Variants in MTHFD1L observed in about 807,000 individuals in gnomAD.
MTHFD1L encodes the protein methylenetetrahydrofolate dehydrogenase (NADP+ dependent) 1 like.
In MTHFD1L, 81 loss-of-function variants were observed where a neutral mutation model predicts 119.5. The observed-to-expected ratio is 0.68, with a 90% CI of 0.57 to 0.82. The LOEUF (loss-of-function observed/expected upper bound fraction) is 0.82. Ranked by LOEUF, MTHFD1L falls within the 40% of genes least tolerant of loss-of-function variation. The probability of loss-of-function intolerance (pLI) is 0.00; values close to 1 mark genes in which losing one functional copy is unlikely to be tolerated. For missense variants in MTHFD1L, 1,125 were observed against 1,253.4 expected (o/e 0.90, Z 1.55); for synonymous variants, 430 against 475.2 (o/e 0.90, Z 1.24).
chr6:150,915,255 A>T (rs1787652179), intron 8 of MTHFD1L, among the ~76,000 whole-genome samples: 2 of 151,964 alleles, frequency 1.3e-5, no homozygotes, highest in South Asian at 4.1e-4. Context: ...TTTTTTTTGC[A>T]ATTTTTTTTT....
chr6:150,881,945 A>G (rs1343744031), intron 4 of MTHFD1L, among the ~76,000 whole-genome samples: 1 of 152,162 alleles, frequency 6.6e-6, no homozygotes, highest in Non-Finnish European at 1.5e-5. Flanking sequence ...TGGTAAACCA[A>G]CCCTTCCCCA....
At chr6:151,011,725 A>G (rs1399532820) in intron 21 of MTHFD1L, among the ~76,000 whole-genome samples, 3 of 152,158 alleles carry the variant, frequency 2.0e-5, no homozygotes, top group Non-Finnish European at 4.4e-5. Context: ...TCATGGTAAC[A>G]TGGAACAGGG....
At chr6:151,001,407 A>AT (rs1176615071) in intron 20 of MTHFD1L, among the ~76,000 whole-genome samples, 5 of 152,222 alleles carry the variant, frequency 3.3e-5, no homozygotes, top group African/African-American at 1.2e-4. Flanking sequence ...CAGTTTAACT[A>AT]TTTTTCAAAG....
chr6:150,921,687 A>G (rs1199784330), intron 9 of MTHFD1L, among the ~76,000 whole-genome samples: 1 of 152,224 alleles, frequency 6.6e-6, no homozygotes, highest in African/African-American at 2.4e-5. Flanking sequence ...AGCTGGGATT[A>G]TAGGTGCGCA....
chr6:150,994,097 G>GAAAGAAA (rs61147935), intron 20 of MTHFD1L, among the ~76,000 whole-genome samples: 1 of 129,154 alleles, frequency 7.7e-6, no homozygotes, highest in African/African-American at 3.7e-5. Context: ...AAGAAAGAAA[G>GAAAGAAA]TGACCCAGCA....
intron 20 of MTHFD1L, among the ~76,000 whole-genome samples, chr6:150,973,405 GA>G (rs1562479125): frequency 1.3e-5 from 2 of 152,198 alleles, no homozygotes; most frequent in African/African-American, 4.8e-5. Flanking sequence ...TCCACTGCAA[GA>G]GTGGCTAGAC....
intron 15 of MTHFD1L, among the ~76,000 whole-genome samples, chr6:150,947,147 G>A (rs940678040): frequency 6.7e-6 from 1 of 148,904 alleles, no homozygotes. Flanking sequence ...GCTCAGGCTG[G>A]AGTGCAATGG....
chr6:150,896,325 TC>T (rs1784201108), intron 7 of MTHFD1L, among the ~76,000 whole-genome samples: 2 of 152,176 alleles, frequency 1.3e-5, no homozygotes, highest in Non-Finnish European at 2.9e-5. Flanking sequence ...GTGAATGCTG[TC>T]CCCTCCCTGA....
chr6:150,945,948 G>T (rs1465783819), intron 15 of MTHFD1L, among the ~76,000 whole-genome samples: 2 of 152,028 alleles, frequency 1.3e-5, no homozygotes, highest in South Asian at 2.1e-4. Context: ...AGTGCACCAT[G>T]ATGGCCCCTG....
intron 17 of MTHFD1L, among the ~76,000 whole-genome samples, chr6:150,957,963 A>C (rs905704468): frequency 6.6e-6 from 1 of 152,120 alleles, no homozygotes; most frequent in African/African-American, 2.4e-5. Context: ...ATAGTTTTTT[A>C]CTGTTTAGGT....
At chr6:150,979,450 T>G (rs1777112844) in intron 20 of MTHFD1L, among the ~76,000 whole-genome samples, 1 of 152,208 alleles carries the variant, frequency 6.6e-6, no homozygotes, top group South Asian at 2.1e-4. Flanking sequence ...AGTCCCACTG[T>G]TTCCTTGCTC....
intron 26 of MTHFD1L, among the ~76,000 whole-genome samples, chr6:151,052,848 G>A (rs1789273377): frequency 1.3e-5 from 2 of 152,182 alleles, no homozygotes; most frequent in South Asian, 4.1e-4. Context: ...GTGTGAGCCT[G>A]AGCCCAGCCC....
intron 24 of MTHFD1L, 101 bp from the exon 25 acceptor site, chr6:151,034,392 A>G: frequency 1.3e-6 from 1 of 791,966 alleles, no homozygotes; most frequent in Non-Finnish European, 2.1e-6. Context: ...GTACTCTGAT[A>G]AGGGAATTTT....
intron 20 of MTHFD1L, among the ~76,000 whole-genome samples, chr6:150,997,510 TG>T (rs2128458309): frequency 6.6e-6 from 1 of 152,254 alleles, no homozygotes; most frequent in Non-Finnish European, 1.5e-5. Flanking sequence ...ACATTGAGGC[TG>T]GGCACGGTGT....
chr6:150,896,674 TTAATACC>T (rs2128810757), intron 7 of MTHFD1L, among the ~76,000 whole-genome samples: 1 of 152,310 alleles, frequency 6.6e-6, no homozygotes, highest in African/African-American at 2.4e-5. Flanking sequence ...GCTCTGTTTG[TTAATACC>T]AAGGAAGAAA....
intron 13 of MTHFD1L, among the ~76,000 whole-genome samples, chr6:150,939,683 C>CTTTTT (rs751835547): frequency 1.1e-4 from 12 of 108,422 alleles, no homozygotes; most frequent in South Asian, 2.9e-4. Context: ...CTTGCAGACT[C>CTTTTT]TTTTTTTTTT....
chr6:150,957,856 A>T (rs751859004), intron 17 of MTHFD1L, among the ~76,000 whole-genome samples: 6 of 152,210 alleles, frequency 3.9e-5, no homozygotes, highest in Admixed American at 6.5e-5. Flanking sequence ...ATTTGTGTAT[A>T]TAAGTGCCTA....
intron 9 of MTHFD1L, 70 bp from the exon 10 acceptor site, chr6:150,922,135 C>A: frequency 9.3e-7 from 1 of 1,079,726 alleles, no homozygotes; most frequent in Non-Finnish European, 1.4e-6. Context: ...AACAATATTT[C>A]CATGGTTTAA....
intron 11 of MTHFD1L, among the ~76,000 whole-genome samples, chr6:150,935,953 A>G (rs1379762005): frequency 6.6e-6 from 1 of 152,226 alleles, no homozygotes; most frequent in Non-Finnish European, 1.5e-5. Context: ...TTACTTGGTA[A>G]TGTAATAGGC....
Sources: gnomAD v4.1 joint callset for allele counts (sites outside exome capture counted in the v4.1 genomes callset) on GRCh38, gnomAD v4.1.1 for gene constraint, MANE v1.5 for transcripts, NCBI Gene and HGNC (gene_info 2026-07-23, HGNC 2026-07-21) for gene names.